The following NPEPPS variants were observed in gnomAD, a reference collection of about 807,000 sequenced individuals.
NPEPPS encodes aminopeptidase puromycin sensitive.
A neutral mutation model predicts 115.5 loss-of-function variants in NPEPPS; 14 were observed. The observed-to-expected ratio is 0.12, with a 90% CI of 0.08 to 0.19. The LOEUF (loss-of-function observed/expected upper bound fraction) is 0.19, where lower values mean the gene tolerates loss of function less well. NPEPPS is among the 10% of genes least tolerant of loss of function. The pLI is 1.00. For missense variants in NPEPPS, 523 were observed against 1,110.8 expected, an observed-to-expected ratio of 0.47 and a Z score of 7.52; for synonymous variants, 285 against 390.6, an observed-to-expected ratio of 0.73 and a Z score of 3.19.
chr17:47,547,017 G>GT (rs1234079900), intron 2 of NPEPPS, among the ~76,000 whole-genome samples: 5 of 151,558 alleles, frequency 3.3e-5, no homozygotes, highest in Admixed American at 6.6e-5. Flanking sequence ...TTTTCTTAAA[G>GT]TTTTTTTTTC....
chr17:47,594,248 A>G (rs1445233001), intron 12 of NPEPPS, among the ~76,000 whole-genome samples: 1 of 152,194 alleles, frequency 6.6e-6, no homozygotes, highest in East Asian at 1.9e-4. Flanking sequence ...TGAAGGCCTA[A>G]GACATTACTA....
At chr17:47,525,885 T>G (rs1907411401) in intron 1 of NPEPPS, among the ~76,000 whole-genome samples, 1 of 152,128 alleles carries the variant, frequency 6.6e-6, no homozygotes, top group African/African-American at 2.4e-5. Context: ...TAGTAGTACA[T>G]CTTGCAAAGA....
intron 6 of NPEPPS, 71 bp from the exon 7 acceptor site, chr17:47,586,077 T>A: frequency 1.5e-6 from 1 of 687,880 alleles, no homozygotes; most frequent in East Asian, 3.2e-5. Flanking sequence ...GCAACAGGAT[T>A]CCTTTGTGGG....
At chr17:47,531,079 G>C (rs1023470572), upstream of NPEPPS, 6 of 610,448 alleles carry the variant, frequency 9.8e-6, no homozygotes, top group African/African-American at 7.9e-5. Flanking sequence ...CGCCCGGCCG[G>C]CGGGGCCGCG....
intron 2 of NPEPPS, among the ~76,000 whole-genome samples, chr17:47,546,708 T>A (rs762585997): frequency 1.3e-5 from 2 of 151,848 alleles, no homozygotes; most frequent in Non-Finnish European, 2.9e-5. Flanking sequence ...CCTAGCTAAT[T>A]TTTGTATTTT....
chr17:47,542,321 C>T (rs2143697364), intron 1 of NPEPPS, among the ~76,000 whole-genome samples: 1 of 152,134 alleles, frequency 6.6e-6, no homozygotes, highest in African/African-American at 2.4e-5. Flanking sequence ...CCGAGGCGGG[C>T]AGATCACCTG....
intron 3 of NPEPPS, among the ~76,000 whole-genome samples, chr17:47,572,209 G>T (rs1911242108): frequency 6.6e-6 from 1 of 152,094 alleles, no homozygotes. Context: ...GAGCCCAGGA[G>T]TTGGAGACCA....
intron 20 of NPEPPS, 137 bp from the exon 21 acceptor site, chr17:47,618,872 C>CT (rs1249797137): frequency 5.2e-6 from 4 of 772,834 alleles, no homozygotes; most frequent in Non-Finnish European, 6.2e-6. Context: ...TTGCTGAGAA[C>CT]TTCTGGTTCC....
intron 1 of NPEPPS, among the ~76,000 whole-genome samples, chr17:47,536,384 CTCTCTT>C (rs1193094240): frequency 1.5e-5 from 1 of 67,656 alleles, no homozygotes; most frequent in African/African-American, 3.6e-5. Flanking sequence ...TGCATATTTT[CTCTCTT>C]TTTTTTTTTT....
At chr17:47,601,941 C>A (rs1479308440) in intron 15 of NPEPPS, 194 bp downstream of exon 15, 6 of 561,552 alleles carry the variant, frequency 1.1e-5, no homozygotes, top group East Asian at 7.1e-5. Flanking sequence ...GGTAGAGAAG[C>A]AGATCCAAAG....
At chr17:47,540,124 T>TA (rs1476040957) in intron 1 of NPEPPS, among the ~76,000 whole-genome samples, 1 of 152,166 alleles carries the variant, frequency 6.6e-6, no homozygotes, top group Non-Finnish European at 1.5e-5. Context: ...GTAAAGTTGT[T>TA]ACCAGGCGTC....
intron 20 of NPEPPS, among the ~76,000 whole-genome samples, chr17:47,618,778 T>G (rs142997851): frequency 6.6e-6 from 1 of 152,330 alleles, no homozygotes; most frequent in East Asian, 1.9e-4. Context: ...CCTAAGCAAG[T>G]ATCTGTTGAG....
chr17:47,555,273 A>C (rs139957447), intron 2 of NPEPPS, among the ~76,000 whole-genome samples: 6,716 of 152,156 alleles, frequency 0.044, 217 homozygotes, highest in Middle Eastern at 0.16. Flanking sequence ...ACTGCTGTAA[A>C]TTATGTAGTT....
At chr17:47,611,071 C>A (rs560139894) in intron 17 of NPEPPS, among the ~76,000 whole-genome samples, 1 of 151,454 alleles carries the variant, frequency 6.6e-6, no homozygotes, top group African/African-American at 2.4e-5. Context: ...CCAGGATGGT[C>A]TCGATCTCCT....
intron 13 of NPEPPS, among the ~76,000 whole-genome samples, chr17:47,597,515 A>AT (rs1048964548): frequency 6.6e-5 from 10 of 151,906 alleles, no homozygotes; most frequent in African/African-American, 9.7e-5. Context: ...AAAGCTAAGT[A>AT]TTTTTTTATT....
intron 14 of NPEPPS, among the ~76,000 whole-genome samples, chr17:47,600,308 G>T (rs575553128): frequency 6.6e-6 from 1 of 152,232 alleles, no homozygotes; most frequent in South Asian, 2.1e-4. Flanking sequence ...ATGGTGGCAT[G>T]CATCTGCAGT....
rs199946088 is a variant in NPEPPS, at chr17:47,623,088, CT to C, written c.*1176del. Reference sequence around the variant, plus strand: ...TCTCATTCCCTTCTTCTTTCCCTACCTTTTTTTTCTTTTTTTCTTAAAAAAA... The same window carrying C: ...TCTCATTCCCTTCTTCTTTCCCTACCTTTTTTTCTTTTTTTCTTAAAAAAA... On this transcript the variant is annotated 3_prime_UTR_variant, in exon 23 of 23. Coordinates refer to ENST00000322157, the MANE Select transcript of NPEPPS (RefSeq NM_006310.4). 27 of 253,680 alleles carry C rather than the reference CT, an allele frequency of 1.1e-4. No individual in the cohort carries two copies. The East Asian group carries it at 2.2e-3, about 21-fold the overall frequency. 15.7% of individuals were successfully genotyped at this position (253,680 alleles called of 1,614,324 possible). A position where few individuals can be genotyped will look rare whatever the true frequency, so the allele number is the denominator to read the frequency against.
intron 21 of NPEPPS, chr17:47,619,477 C>G: frequency 1.9e-6 from 1 of 517,164 alleles, no homozygotes; most frequent in East Asian, 3.5e-5. Flanking sequence ...TCGCTTGAAC[C>G]TGGGAGGCAG....
At chr17:47,600,948 C>T (rs1482755130) in intron 14 of NPEPPS, among the ~76,000 whole-genome samples, 1 of 152,098 alleles carries the variant, frequency 6.6e-6, no homozygotes, top group Non-Finnish European at 1.5e-5. Flanking sequence ...GAAGGCTGGG[C>T]GCAGTGGCTT....
Sources: gnomAD v4.1 joint callset for allele counts (sites outside exome capture counted in the v4.1 genomes callset) on GRCh38, gnomAD v4.1.1 for gene constraint, MANE v1.5 for transcripts, NCBI Gene and HGNC (gene_info 2026-07-23, HGNC 2026-07-21) for gene names.